Variants in GAN observed in about 807,000 individuals in gnomAD.
The protein encoded by GAN is epididymis secretory sperm binding protein.
A neutral mutation model predicts 71.3 loss-of-function variants in GAN; 48 were observed. The ratio of observed to expected loss-of-function variants is 0.67; its 90% CI spans 0.53 to 0.86. The LOEUF is 0.86. Among genes scored for constraint, GAN ranks in the 40% least tolerant of loss-of-function variants. The pLI, the probability that GAN is intolerant of heterozygous loss-of-function variation, is 0.00. For missense variants in GAN, 928 were observed against 770.1 expected (o/e 1.21, Z -2.43); for synonymous variants, 386 against 276.8 (o/e 1.39, Z -3.92).
intron 9 of GAN, among the ~76,000 whole-genome samples, chr16:81,369,002 C>T (rs1044878043): frequency 3.3e-5 from 5 of 152,196 alleles, no homozygotes; most frequent in African/African-American, 1.2e-4. Flanking sequence ...TTTTTAGTAT[C>T]TTTCTTTCAC....
chr16:81,374,636 C>A (rs2150697059), intron 9 of GAN, among the ~76,000 whole-genome samples: 1 of 152,304 alleles, frequency 6.6e-6, no homozygotes, highest in South Asian at 2.1e-4. Flanking sequence ...GATTTTCTTG[C>A]TCACATAGTT....
intron 1 of GAN, among the ~76,000 whole-genome samples, chr16:81,348,649 A>G (rs1245613566): frequency 2.6e-5 from 4 of 152,160 alleles, no homozygotes; most frequent in Admixed American, 2.6e-4. Flanking sequence ...GAGTAATACT[A>G]CGTTTTCTGT....
chr16:81,338,070 G>C (rs1356383953), intron 1 of GAN, among the ~76,000 whole-genome samples: 1 of 152,186 alleles, frequency 6.6e-6, no homozygotes, highest in African/African-American at 2.4e-5. Flanking sequence ...CAGATCAGCA[G>C]ACGGGGCAGA....
intron 3 of GAN, among the ~76,000 whole-genome samples, chr16:81,356,047 C>T (rs1461672897): frequency 6.6e-6 from 1 of 152,152 alleles, no homozygotes; most frequent in Non-Finnish European, 1.5e-5. Context: ...CAGCTTCCGT[C>T]CTGCCCTCTT....
chr16:81,364,951 C>A (rs1385888133), intron 7 of GAN, 23 bp from the exon 8 acceptor site: 1 of 1,612,874 alleles, frequency 6.2e-7, no homozygotes, highest in Admixed American at 1.7e-5. Flanking sequence ...TGCCTCTCCC[C>A]CACCATTGTT....
intron 1 of GAN, among the ~76,000 whole-genome samples, chr16:81,323,577 T>C (rs1379499157): frequency 2.6e-5 from 4 of 152,248 alleles, no homozygotes; most frequent in Non-Finnish European, 4.4e-5. Flanking sequence ...GTTATTGAGA[T>C]ATACTGTGTA....
intron 1 of GAN, among the ~76,000 whole-genome samples, chr16:81,340,754 C>T (rs1032926008): frequency 2.6e-5 from 4 of 151,930 alleles, no homozygotes; most frequent in Non-Finnish European, 5.9e-5. Context: ...AATACAACTC[C>T]TTGCCAGCAA....
intron 1 of GAN, among the ~76,000 whole-genome samples, chr16:81,339,185 C>G (rs939000748): frequency 2.0e-5 from 3 of 152,182 alleles, no homozygotes; most frequent in African/African-American, 7.2e-5. Context: ...CCACATCACC[C>G]AAGAGCTCAT....
At chr16:81,330,450 A>G (rs1909537870) in intron 1 of GAN, among the ~76,000 whole-genome samples, 1 of 152,236 alleles carries the variant, frequency 6.6e-6, no homozygotes, top group Middle Eastern at 3.2e-3. Context: ...CAAGAAAATA[A>G]ATCACAGTAT....
At position 81,381,684 on chromosome 16, in the gene GAN, C is replaced by A. The variant is rs1247207830; in HGVS notation, c.*4088C>A. On this transcript the variant is annotated 3_prime_UTR_variant, in exon 11 of 11. Transcript: ENST00000648994. ...ACCCACTATGGAACGGGCAAGGGCC[C>A]CGTCTTTGTCATCTGCCAGTCTCAG... The A allele has an allele frequency of 6.6e-6, 1 of 152,248 alleles. No individual in the cohort carries two copies. The highest frequency in any genetic ancestry group is 1.5e-5 in the Non-Finnish European group (1 of 68,054). 9.4% of individuals were successfully genotyped at this position (152,248 alleles called of 1,614,324 possible). A position where few individuals can be genotyped will look rare whatever the true frequency, so the allele number is the denominator to read the frequency against.
intron 1 of GAN, among the ~76,000 whole-genome samples, chr16:81,325,550 G>A (rs1036848943): frequency 6.6e-6 from 1 of 152,158 alleles, no homozygotes; most frequent in Non-Finnish European, 1.5e-5. Context: ...CCATACTGAA[G>A]CCCTACTTTA....
Position 81,382,285 on chromosome 16 carries a change from G to A in GAN, c.*4689G>A, listed in dbSNP as rs1355295833. The A allele has an allele frequency of 6.6e-6, 1 of 152,112 alleles. No homozygotes were observed. The highest frequency in any genetic ancestry group is 1.5e-5 in the Non-Finnish European group (1 of 68,016). 9.4% of individuals were successfully genotyped at this position (152,112 alleles called of 1,614,324 possible). On this transcript the variant is annotated 3_prime_UTR_variant, in exon 11 of 11. Transcript: ENST00000648994. The stretch of plus-strand genomic sequence containing the variant: ...TGAGGCTGGAACTTGATTTTTCTAG[G>A]CATACAAGTATTTTTAGTAATAGAA...
intron 9 of GAN, among the ~76,000 whole-genome samples, chr16:81,375,062 T>G (rs1004827440): frequency 1.3e-5 from 2 of 152,180 alleles, no homozygotes; most frequent in African/African-American, 4.8e-5. Context: ...CAAAGATTTT[T>G]TAGAATGACA....
At chr16:81,352,775 A>C (rs1910342137) in intron 2 of GAN, among the ~76,000 whole-genome samples, 1 of 152,184 alleles carries the variant, frequency 6.6e-6, no homozygotes, top group African/African-American at 2.4e-5. Flanking sequence ...TTAAAAGTAA[A>C]TGAATTTAAG....
intron 1 of GAN, among the ~76,000 whole-genome samples, chr16:81,329,768 C>G (rs546680972): frequency 3.8e-4 from 58 of 152,266 alleles, no homozygotes; most frequent in African/African-American, 1.4e-3. Flanking sequence ...GTCCCTATAC[C>G]TTGATTAGAC....
chr16:81,339,425 A>C (rs567479922), intron 1 of GAN, among the ~76,000 whole-genome samples: 1 of 152,226 alleles, frequency 6.6e-6, no homozygotes, highest in Non-Finnish European at 1.5e-5. Flanking sequence ...AGCACTTCAC[A>C]TTTAAAGACT....
At chr16:81,319,268 T>G (rs545858642) in intron 1 of GAN, among the ~76,000 whole-genome samples, 5 of 150,690 alleles carry the variant, frequency 3.3e-5, no homozygotes, top group South Asian at 2.1e-4. Flanking sequence ...TTCATAGTCA[T>G]AAGCACCCAC....
At chr16:81,316,779 C>T (rs1909057344) in intron 1 of GAN, among the ~76,000 whole-genome samples, 1 of 152,224 alleles carries the variant, frequency 6.6e-6, no homozygotes, top group African/African-American at 2.4e-5. Flanking sequence ...ATAGCACTTA[C>T]CACTTTGACG....
Position 81,362,565 on chromosome 16 carries a change from A to G in GAN, c.1040A>G (p.Tyr347Cys). Residue 347 changes from tyrosine (Y) to cysteine (C), a missense_variant, in exon 6 of 11, where the codon TAT (tyrosine) becomes TGT (cysteine). Coordinates refer to ENST00000648994, the MANE Select transcript of GAN (RefSeq NM_022041.4). ...CAGACTCTTAGCTCAGGAGAAAAGTATGATCCAGATGCAAATACATGGACA... is the reference window on the plus strand; with the variant it reads ...CAGACTCTTAGCTCAGGAGAAAAGTGTGATCCAGATGCAAATACATGGACA... ...NKQTLSSGEK[Y>C]DPDANTWTAL... The G allele has an allele frequency of 1.2e-6, 2 of 1,608,350 alleles. No homozygotes were observed. Among genetic ancestry groups the G allele is most frequent in the Non-Finnish European group, 1.7e-6 (2 of 1,174,638 alleles).
Sources: allele counts gnomAD v4.1 joint callset (sites outside exome capture counted in the v4.1 genomes callset), GRCh38; gene constraint gnomAD v4.1.1; transcripts MANE v1.5; gene names NCBI Gene and HGNC (gene_info 2026-07-23, HGNC 2026-07-21).